The following CACNA2D4 variants were observed in gnomAD, a reference collection of about 807,000 sequenced individuals.
CACNA2D4 encodes calcium voltage-gated channel auxiliary subunit alpha2delta 4, also known as voltage-dependent calcium channel subunit alpha-2/delta-4.
A neutral mutation model predicts 163.8 loss-of-function variants in CACNA2D4; 157 were observed. The ratio of observed to expected loss-of-function variants is 0.96; its 90% confidence interval spans 0.84 to 1.09. CACNA2D4 has a LOEUF of 1.09. CACNA2D4 is among the 50% of genes least tolerant of loss of function. The pLI, the probability that CACNA2D4 is intolerant of heterozygous loss-of-function variation, is 0.00. For synonymous variants in CACNA2D4, 598 were observed against 586.9 expected, an observed-to-expected ratio of 1.02 and a Z score of -0.27; for missense variants, 1,410 against 1,479.9, an observed-to-expected ratio of 0.95 and a Z score of 0.78.
intron 6 of CACNA2D4, among the ~76,000 whole-genome samples, chr12:1,899,479 C>A (rs1008455160): frequency 6.6e-6 from 1 of 151,980 alleles, no homozygotes; most frequent in African/African-American, 2.4e-5. Flanking sequence ...ACAGATACAG[C>A]AGAGATTTAA....
intron 7 of CACNA2D4, among the ~76,000 whole-genome samples, chr12:1,886,752 C>T (rs1338052861): frequency 3.9e-5 from 6 of 152,120 alleles, no homozygotes; most frequent in African/African-American, 7.2e-5. Flanking sequence ...AAAAGGTTGA[C>T]GTGGAGACAG....
At position 1,831,647 on chromosome 12, in the gene CACNA2D4, C is replaced by A. The variant is rs1292337955; in HGVS notation, c.2551+9092G>T. On this transcript the variant is annotated intron_variant, in intron 26 of 37. Coordinates refer to ENST00000382722, the MANE Select transcript of CACNA2D4 (RefSeq NM_172364.5). The stretch of plus-strand genomic sequence containing the variant: ...AGGCCAGGGGAAAGAAGGGGGCGAC[C>A]CTGCCTCTGTGCCAGCTCGGCTAGA... 1.2e-5 allele frequency: 10 copies of A among 808,104 alleles called. No individual in the cohort carries two copies. In the Admixed American group the frequency reaches 2.8e-4, roughly 22 times the overall value. The allele number at this position is 808,104 out of a possible 1,614,324, so 50.1% of individuals were successfully genotyped here.
rs1410160062 is a variant in CACNA2D4 at position 1,856,106 on chromosome 12, G to A, written c.2058C>T (p.Ile686=). The A allele has an allele frequency of 1.2e-6, 2 of 1,613,876 alleles. No individual in the cohort carries two copies. Among genetic ancestry groups the A allele is most frequent in the Non-Finnish European group, 1.7e-6 (2 of 1,179,778 alleles). ...CTGGGTCAATATCTGTGATGCAGTA[G>A]ATCCTGAAACCCAGGAAAGTCAGTG... ...HPDLALAGDW[I]YCITDIDPDH... The change falls in exon 22 of 38, where the codon ATC becomes ATT. Residue 686 remains isoleucine (I), a synonymous_variant. Coordinates refer to ENST00000382722, the MANE Select transcript of CACNA2D4 (RefSeq NM_172364.5).
chr12:1,856,201 C>G lies in CACNA2D4; in HGVS notation c.2037G>C (p.Leu679=), dbSNP rs149879416. The change falls in exon 21 of 38, where the codon CTG becomes CTC. Residue 679 remains leucine (L), a synonymous_variant. Coordinates refer to ENST00000382722, the MANE Select transcript of CACNA2D4 (RefSeq NM_172364.5). ...TCACTTACCAGTCACCGGCCAGGGC[C>G]AGGTCTGGGTGAAGCAAGTCATGCA... is the stretch of plus-strand genomic sequence containing the variant. ...EGLHDLLHPD[L]ALAGDWIYCI... is the part of the protein sequence containing the mutation. The G allele has an allele frequency of 3.4e-5, 55 of 1,614,062 alleles. No homozygotes were observed. Among genetic ancestry groups the G allele is most frequent in the Non-Finnish European group, 4.5e-5 (53 of 1,179,908 alleles).
intron 23 of CACNA2D4, among the ~76,000 whole-genome samples, chr12:1,850,483 T>C (rs537102486): frequency 6.6e-6 from 1 of 152,346 alleles, no homozygotes; most frequent in South Asian, 2.1e-4. Flanking sequence ...CGTGAATACA[T>C]AATATATAGA....
intron 26 of CACNA2D4, among the ~76,000 whole-genome samples, chr12:1,832,995 G>A (rs1330394499): frequency 6.6e-6 from 1 of 152,174 alleles, no homozygotes; most frequent in Non-Finnish European, 1.5e-5. Flanking sequence ...TTTGCTGCAG[G>A]CCACCGAGGT....
chr12:1,884,730 G>T, intron 11 of CACNA2D4, 38 bp downstream of exon 11: 1 of 1,386,802 alleles, frequency 7.2e-7, no homozygotes, highest in Non-Finnish European at 1.0e-6. Flanking sequence ...GGCAGCAGGA[G>T]AAGCTTTTTT....
chr12:1,880,667 A>G (rs1565726405), intron 13 of CACNA2D4, among the ~76,000 whole-genome samples: 1 of 152,270 alleles, frequency 6.6e-6, no homozygotes, highest in Non-Finnish European at 1.5e-5. Flanking sequence ...ATGGAAGTCC[A>G]CAGTTGACTT....
In CACNA2D4 at chr12:1,854,128, A is replaced by G. The variant is rs762149198; in HGVS notation, c.2153-84T>C. ...CTCTCCCATCCTAAGTTCAGGGAGA[A>G]GATGTGCTTCCTGAACGTGTCTATG... On this transcript the variant is annotated intron_variant, in intron 22 of 37. Coordinates refer to ENST00000382722, the MANE Select transcript of CACNA2D4 (RefSeq NM_172364.5). 3.0e-4 allele frequency: 301 copies of G among 1,010,902 alleles called. 1 individual carries two copies. Among genetic ancestry groups the G allele is most frequent in the Non-Finnish European group, 3.9e-4 (275 of 696,368 alleles). The allele number at this position is 1,010,902 out of a possible 1,614,324, so 62.6% of individuals were successfully genotyped here.
rs147890595 is a variant in CACNA2D4 at position 1,815,583 on chromosome 12, T to G, written c.2552-3860A>C. Among the ~76,000 whole-genome samples, 37 of 150,886 alleles carry G rather than the reference T, an allele frequency of 2.5e-4. No homozygotes were observed. The East Asian group carries it at 6.7e-3, about 27-fold the overall frequency. ...TAATAGCAGGCAGGGGATTGAGTTT[T>G]GATCCCCAGCACCTAGAATCGTACC... is the stretch of plus-strand genomic sequence containing the variant. On this transcript the variant is annotated intron_variant, in intron 26 of 37. Transcript: ENST00000382722.
In CACNA2D4 at chr12:1,863,334, T is replaced by C. The variant is rs931985670; in HGVS notation, c.1879-3128A>G. 2.6e-5 allele frequency among the ~76,000 whole-genome samples: 4 copies of C among 152,366 alleles called. No homozygotes were observed. In the East Asian group the frequency reaches 5.8e-4, roughly 22 times the overall value. On this transcript the variant is annotated intron_variant, in intron 18 of 37. Transcript: ENST00000382722. ...ACCCAGCTTGGTTATTGTAGCTTTATAGTAAGTTTTGAAATCAGATACTGT... is the reference window on the plus strand; with the variant it reads ...ACCCAGCTTGGTTATTGTAGCTTTACAGTAAGTTTTGAAATCAGATACTGT...
rs371316689 is a variant in CACNA2D4, at chr12:1,834,542, A to G, written c.2551+6197T>C. 20 of 1,604,320 alleles carry G rather than the reference A, an allele frequency of 1.2e-5. No homozygotes were observed. Among genetic ancestry groups the G allele is most frequent in the Non-Finnish European group, 1.6e-5 (19 of 1,179,916 alleles). ...CGTGAGGCGAGCCATGGGCACGGTG[A>G]TCATTGCAGGGGTCGTGTGCGGCGT... On this transcript the variant is annotated intron_variant, in intron 26 of 37. Coordinates refer to ENST00000382722, the MANE Select transcript of CACNA2D4 (RefSeq NM_172364.5). The surrounding 1 kb of genome is among the most constrained non-coding windows in gnomAD (Gnocchi z 7.6).
chr12:1,873,442 G>C (rs939618541), intron 18 of CACNA2D4, among the ~76,000 whole-genome samples: 1 of 152,190 alleles, frequency 6.6e-6, no homozygotes, highest in Non-Finnish European at 1.5e-5. Flanking sequence ...CATAAAAGCA[G>C]CACGAGATTC....
chr12:1,846,231 G>A (rs142359303), intron 24 of CACNA2D4, among the ~76,000 whole-genome samples: 32 of 152,282 alleles, frequency 2.1e-4, no homozygotes, highest in Admixed American at 1.8e-3. Context: ...TTTCGGCTTT[G>A]TCCCTTAGAG....
chr12:1,856,139 A>G (rs1865394596), intron 21 of CACNA2D4, 30 bp from the exon 22 acceptor site: 1 of 1,609,878 alleles, frequency 6.2e-7, no homozygotes, highest in Non-Finnish European at 8.5e-7. Context: ...GTGTTATCTC[A>G]AAACATTCCA....
chr12:1,878,520 C>T lies in CACNA2D4; in HGVS notation c.1645-131G>A, dbSNP rs138514766. ...CAGCAGTGAGTGTTTTCAATAGGAA[C>T]GTAACTGAGCCAGTGCCATGCTTCC... On this transcript the variant is annotated intron_variant, in intron 15 of 37. Transcript: ENST00000382722. This position sits in a 1 kb window ranked among gnomAD's most constrained non-coding sequence, Gnocchi z 4.6. 11 of 1,500,066 alleles carry T rather than the reference C, an allele frequency of 7.3e-6. No homozygotes were observed. The highest frequency in any genetic ancestry group is 4.8e-5 in the South Asian group (4 of 82,510). 92.9% of individuals were successfully genotyped at this position (1,500,066 alleles called of 1,614,324 possible).
intron 14 of CACNA2D4, 150 bp downstream of exon 14, chr12:1,879,654 A>T (rs1181369709): frequency 9.1e-6 from 6 of 657,806 alleles, no homozygotes; most frequent in Non-Finnish European, 1.7e-5. Context: ...AGTCTGGGGT[A>T]GCTACTCTGG....
chr12:1,894,301 C>T (rs1018490044), intron 6 of CACNA2D4, among the ~76,000 whole-genome samples: 1 of 152,132 alleles, frequency 6.6e-6, no homozygotes. Context: ...CCAAATTGTA[C>T]CAAACTTTCA....
In CACNA2D4 at chr12:1,792,664, T is replaced by C. The variant is rs1274410745; in HGVS notation, c.*991A>G. On this transcript the variant is annotated 3_prime_UTR_variant, in exon 38 of 38. Transcript: ENST00000382722. ...GGGCCTTGGGACCCTGGGGGAGATG[T>C]GTGTGCGCTGGGGGTGAGTTCCCAG... 3.3e-5 allele frequency: 5 copies of C among 151,946 alleles called. No homozygotes were observed. Among genetic ancestry groups the C allele is most frequent in the Non-Finnish European group, 4.4e-5 (3 of 67,996 alleles). 9.4% of individuals were successfully genotyped at this position (151,946 alleles called of 1,614,324 possible).
Sources: allele counts gnomAD v4.1 joint callset (sites outside exome capture counted in the v4.1 genomes callset), GRCh38; gene constraint gnomAD v4.1.1; non-coding constraint Gnocchi (gnomAD v3.1); transcripts MANE v1.5; gene names NCBI Gene and HGNC (gene_info 2026-07-23, HGNC 2026-07-21).